The following KLF8 variants were observed in gnomAD, a reference collection of about 807,000 sequenced individuals.
KLF8 encodes the protein Krueppel-like factor 8.
Under a neutral mutation model 18.2 loss-of-function variants are expected in KLF8, and 10 were observed. The observed-to-expected ratio is 0.55, with a 90% CI of 0.34 to 0.93. KLF8 has a LOEUF of 0.93. KLF8 is among the 40% of genes least tolerant of loss of function. The probability of loss-of-function intolerance (pLI) is 0.02; values close to 1 mark genes in which losing one functional copy is unlikely to be tolerated. For synonymous variants in KLF8, 109 were observed against 97.3 expected (o/e 1.12, Z -0.71); for missense variants, 264 against 277.9 (o/e 0.95, Z 0.36).
In KLF8 at chrX:56,253,764, C is replaced by CT. The variant is rs60291877; in HGVS notation, c.81+3474dup. 5.8e-3 allele frequency among the ~76,000 whole-genome samples: 350 copies of CT among 60,105 alleles called. 12 individuals are homozygous for CT. The highest frequency in any genetic ancestry group is 0.025 in the Middle Eastern group (3 of 119). The allele number at this position is 60,105 out of a possible 115,157, so 52.2% of individuals were successfully genotyped here. A position where few individuals can be genotyped will look rare whatever the true frequency, so the allele number is the denominator to read the frequency against. On this transcript the variant is annotated intron_variant, in intron 2 of 5. Coordinates refer to ENST00000468660, the MANE Select transcript of KLF8 (RefSeq NM_007250.5). ...GTACATAATGTCTTTTTTTCTTTTT[C>CT]TTTTTTTTTTTTTTGAGATGTTGTC...
the KLF8 span, among the ~76,000 whole-genome samples, chrX:56,043,153 T>G: frequency 9.0e-6 from 1 of 111,668 alleles, no homozygotes; most frequent in African/African-American, 3.3e-5. Flanking sequence ...CCCCAATCTT[T>G]TCCAGCTTGT....
At chrX:56,018,016 C>T in the KLF8 span, among the ~76,000 whole-genome samples, 1 of 111,823 alleles carries the variant, frequency 8.9e-6, no homozygotes, top group East Asian at 2.8e-4. Flanking sequence ...ATCTCAAGCA[C>T]TTATCATTTA....
At chrX:55,917,075 T>G in the KLF8 span, among the ~76,000 whole-genome samples, 1 of 112,152 alleles carries the variant, frequency 8.9e-6, no homozygotes, top group African/African-American at 3.2e-5. Context: ...AGGAATCCAA[T>G]CTCCCTGCTC....
Position 56,284,435 on chromosome X carries a change from C to T in KLF8, c.1021C>T (p.Arg341Cys), listed in dbSNP as rs1016774145. 7.5e-6 allele frequency: 9 copies of T among 1,207,302 alleles called. No individual in the cohort carries two copies. Among genetic ancestry groups the T allele is most frequent in the Non-Finnish European group, 1.0e-5 (9 of 893,733 alleles). ...IKPFRCTDCN[R>C]SFSRSDHLSL... is the part of the protein sequence containing the mutation. ...GCCTTTTCGGTGCACAGACTGCAACCGCAGCTTTTCTCGTTCTGACCACCT... is the reference window on the plus strand; with the variant it reads ...GCCTTTTCGGTGCACAGACTGCAACTGCAGCTTTTCTCGTTCTGACCACCT... Residue 341 changes from arginine (R) to cysteine (C), a missense_variant, in exon 6 of 6, where the codon CGC (arginine) becomes TGC (cysteine). Physicochemically the swap from Arg to Cys is radical, Grantham distance 180. Around this residue, in one of 2 missense-constraint regions of KLF8, gnomAD observed 43 missense variants for 84.3 expected, o/e 0.51. Coordinates refer to ENST00000468660, the MANE Select transcript of KLF8 (RefSeq NM_007250.5).
chrX:56,025,298 G>T, the KLF8 span, among the ~76,000 whole-genome samples: 2 of 112,126 alleles, frequency 1.8e-5, no homozygotes, highest in African/African-American at 6.5e-5. Context: ...TTTATTCTAG[G>T]ATCTTGTCCT....
chrX:56,051,326 T>G, the KLF8 span, among the ~76,000 whole-genome samples: 46 of 110,448 alleles, frequency 4.2e-4, no homozygotes, highest in African/African-American at 1.4e-3. Context: ...GTTAGCTGGT[T>G]ATTTTGCTCG....
chrX:56,157,169 G>A, the KLF8 span, among the ~76,000 whole-genome samples: 1 of 101,170 alleles, frequency 9.9e-6, no homozygotes, highest in East Asian at 3.4e-4. Flanking sequence ...CTCTCTCATA[G>A]CTAAGAATTC....
chrX:55,910,112 CCTTT>C, the KLF8 span, among the ~76,000 whole-genome samples: 1 of 111,969 alleles, frequency 8.9e-6, no homozygotes, highest in African/African-American at 3.2e-5. Flanking sequence ...TCTGCAATTT[CCTTT>C]GTTTTGAGTC....
chrX:55,995,748 C>T, the KLF8 span, among the ~76,000 whole-genome samples: 1 of 111,864 alleles, frequency 8.9e-6, no homozygotes, highest in Non-Finnish European at 1.9e-5. Context: ...GAAACTTCCA[C>T]TGTTATTGTA....
the KLF8 span, among the ~76,000 whole-genome samples, chrX:56,033,996 G>A: frequency 3.6e-5 from 4 of 111,826 alleles, no homozygotes; most frequent in East Asian, 5.5e-4. Context: ...TTTCCTTTGC[G>A]TTACAAAATC....
chrX:55,957,096 T>C, the KLF8 span, among the ~76,000 whole-genome samples: 2 of 111,592 alleles, frequency 1.8e-5, no homozygotes, highest in Admixed American at 9.5e-5. Context: ...TCCAGTTTTA[T>C]TCTTCTTCAT....
At chrX:56,070,484 C>A in the KLF8 span, among the ~76,000 whole-genome samples, 1 of 107,348 alleles carries the variant, frequency 9.3e-6, no homozygotes, top group African/African-American at 3.4e-5. Flanking sequence ...ATTCAGCCAT[C>A]AAAAGGAAAG....
chrX:56,181,099 G>A, the KLF8 span, among the ~76,000 whole-genome samples: 9 of 111,445 alleles, frequency 8.1e-5, no homozygotes, highest in Non-Finnish European at 3.8e-5. Flanking sequence ...GGGAGTCTAA[G>A]TGTCTTTGTA....
chrX:55,941,356 T>C, the KLF8 span, among the ~76,000 whole-genome samples: 6 of 112,125 alleles, frequency 5.4e-5, no homozygotes, highest in Admixed American at 1.9e-4. Context: ...TTACACCTTA[T>C]ACAAAAATTA....
chrX:56,120,987 C>T, the KLF8 span, among the ~76,000 whole-genome samples: 1 of 110,292 alleles, frequency 9.1e-6, no homozygotes, highest in Non-Finnish European at 1.9e-5. Context: ...GAGATTGAGA[C>T]CATCCTGGCT....
chrX:56,064,086 TATATATAC>T, the KLF8 span, among the ~76,000 whole-genome samples: 2 of 105,255 alleles, frequency 1.9e-5, no homozygotes, highest in African/African-American at 7.1e-5. Context: ...CATGTGTGTG[TATATATAC>T]ATATATACAT....
chrX:55,919,009 A>G, the KLF8 span, among the ~76,000 whole-genome samples: 1 of 111,818 alleles, frequency 8.9e-6, no homozygotes, highest in East Asian at 2.8e-4. Context: ...CTCTATCACA[A>G]CATCTCCAAA....
chrX:55,989,593 C>G, the KLF8 span, among the ~76,000 whole-genome samples: 9,602 of 111,700 alleles, frequency 0.086, 998 homozygotes, highest in African/African-American at 0.3. Flanking sequence ...TGTACTGCTG[C>G]ATTCGGTTTG....
chrX:56,039,734 G>C, the KLF8 span, among the ~76,000 whole-genome samples: 1 of 111,479 alleles, frequency 9.0e-6, no homozygotes, highest in Non-Finnish European at 1.9e-5. Context: ...TTGCATATAA[G>C]TTTCAGAATC....
Sources: gnomAD v4.1 joint callset for allele counts (sites outside exome capture counted in the v4.1 genomes callset) on GRCh38, gnomAD v4.1.1 for gene constraint, gnomAD v4.1.1 regional missense constraint, MANE v1.5 for transcripts, NCBI Gene and HGNC (gene_info 2026-07-23, HGNC 2026-07-21) for gene names.